Variants in STRA8 observed in about 807,000 individuals in gnomAD.
STRA8 encodes stimulated by retinoic acid 8, also known as stimulated by retinoic acid gene 8 protein homolog.
A neutral mutation model predicts 37.1 loss-of-function variants in STRA8; 18 were observed. That is an observed-to-expected ratio of 0.48 (90% CI 0.34 to 0.72). STRA8 has a LOEUF of 0.72. STRA8 is among the 30% of genes least tolerant of loss of function. The pLI is 0.01. For missense variants in STRA8, 357 were observed against 410.4 expected, an observed-to-expected ratio of 0.87 and a Z score of 1.13; for synonymous variants, 168 against 162.9, an observed-to-expected ratio of 1.03 and a Z score of -0.24.
intron 7 of STRA8, among the ~76,000 whole-genome samples, chr7:135,254,108 C>A (rs1432355521): frequency 6.6e-6 from 1 of 152,226 alleles, no homozygotes; most frequent in East Asian, 1.9e-4. Context: ...GACTCAAGTG[C>A]TTCTCAGCTG....
chr7:135,243,500 A>G, intron 4 of STRA8, 90 bp downstream of exon 4: 1 of 1,182,972 alleles, frequency 8.5e-7, no homozygotes, highest in Non-Finnish European at 1.2e-6. Flanking sequence ...CTTCCTCTCC[A>G]GCCTGCAGGA....
At chr7:135,242,734 T>A in intron 2 of STRA8, 47 bp from the exon 3 acceptor site, 1 of 1,598,002 alleles carries the variant, frequency 6.3e-7, no homozygotes. Context: ...AAAATCAGTC[T>A]CTGCAGTGAG....
In STRA8 at chr7:135,253,533, A is replaced by G. The variant is rs1463402989; in HGVS notation, c.954-1581A>G. ...TTTAGGGGACTCTCTGAGTTCTGCA[A>G]AGGGGGGTTGCTGCTTTTCATGGTG... is the stretch of plus-strand genomic sequence containing the variant. On this transcript the variant is annotated intron_variant, in intron 7 of 8. Coordinates refer to ENST00000662584, the MANE Select transcript of STRA8 (RefSeq NM_001394401.1). 2.6e-5 allele frequency among the ~76,000 whole-genome samples: 4 copies of G among 152,196 alleles called. No homozygotes were observed. In the South Asian group the frequency reaches 6.2e-4, roughly 24 times the overall value.
Position 135,246,335 on chromosome 7 carries a change from T to C in STRA8, c.594-82T>C. On this transcript the variant is annotated intron_variant, in intron 5 of 8. Coordinates refer to ENST00000662584, the MANE Select transcript of STRA8 (RefSeq NM_001394401.1). The surrounding 1 kb of genome is among the most constrained non-coding windows in gnomAD (Gnocchi z 5.4). ...TGGCGCCGTGGCCGGGCCTGCGTGC[T>C]GGGGTCCACACCATGAACCGAATCC... 2 of 1,540,738 alleles carry C rather than the reference T, an allele frequency of 1.3e-6. No homozygotes were observed. Among genetic ancestry groups the C allele is most frequent in the South Asian group, 2.4e-5 (2 of 83,324 alleles).
intron 2 of STRA8, among the ~76,000 whole-genome samples, chr7:135,241,075 C>T (rs1278173388): frequency 6.6e-6 from 1 of 152,124 alleles, no homozygotes; most frequent in Non-Finnish European, 1.5e-5. Flanking sequence ...AAGCCCCCAC[C>T]TCTTAATACT....
At chr7:135,249,808 C>G (rs1832613567) in intron 6 of STRA8, among the ~76,000 whole-genome samples, 1 of 152,222 alleles carries the variant, frequency 6.6e-6, no homozygotes, top group Non-Finnish European at 1.5e-5. Context: ...GAGAAAACAA[C>G]CAGAATCTAA....
Position 135,246,485 on chromosome 7 carries a change from C to T in STRA8, c.662C>T (p.Ala221Val), listed in dbSNP as rs1289768075. The change falls in exon 6 of 9, where the codon GCG becomes GTG. Residue 221 changes from alanine to valine, a missense_variant. Ala to Val is a moderately conservative substitution (Grantham distance 64). Transcript: ENST00000662584. This position sits in a 1 kb window ranked among gnomAD's most constrained non-coding sequence, Gnocchi z 5.4. ...TGSGIITPQEAALPIVSAAIS... is the reference protein window; with the variant it reads ...TGSGIITPQEVALPIVSAAIS... The stretch of plus-strand genomic sequence containing the variant: ...AGCGGGATCATTACCCCGCAGGAGG[C>T]GGCGCTGCCCATCGTCTCCGCGGCC... 3 of 1,585,504 alleles carry T rather than the reference C, an allele frequency of 1.9e-6. No homozygotes were observed. Among genetic ancestry groups the T allele is most frequent in the Non-Finnish European group, 2.6e-6 (3 of 1,165,286 alleles).
intron 1 of STRA8, among the ~76,000 whole-genome samples, chr7:135,234,268 G>A (rs1032474833): frequency 1.3e-5 from 2 of 152,072 alleles, no homozygotes; most frequent in East Asian, 1.9e-4. Flanking sequence ...CACCACGCCC[G>A]GCTAATTGTT....
chr7:135,238,082 T>G (rs116841159), intron 1 of STRA8, among the ~76,000 whole-genome samples: 2,198 of 152,218 alleles, frequency 0.014, 20 homozygotes, highest in Non-Finnish European at 0.023. Flanking sequence ...GGGAAGACAT[T>G]GAAAATCGCT....
upstream of STRA8, among the ~76,000 whole-genome samples, chr7:135,233,335 A>G (rs1434811642): frequency 6.6e-6 from 1 of 151,158 alleles, no homozygotes; most frequent in Non-Finnish European, 1.5e-5. Flanking sequence ...TCTCCCTTTT[A>G]TGCGTTTATT....
chr7:135,253,691 T>G (rs531977229), intron 7 of STRA8, among the ~76,000 whole-genome samples: 1 of 152,342 alleles, frequency 6.6e-6, no homozygotes, highest in Non-Finnish European at 1.5e-5. Context: ...AGGTGTGTTT[T>G]CTGAGAGAAA....
At chr7:135,253,306 C>T (rs4281069) in intron 7 of STRA8, among the ~76,000 whole-genome samples, 51,744 of 151,914 alleles carry the variant, frequency 0.34, 9,492 homozygotes, top group African/African-American at 0.47. Context: ...TATGATCTCC[C>T]GGAGTCCCCC....
At chr7:135,243,649 C>T (rs553502809) in intron 4 of STRA8, among the ~76,000 whole-genome samples, 1 of 152,280 alleles carries the variant, frequency 6.6e-6, no homozygotes, top group South Asian at 2.1e-4. Flanking sequence ...AGAAAATACA[C>T]AAAAGCCAGA....
chr7:135,241,177 C>A (rs1222597405), intron 2 of STRA8, among the ~76,000 whole-genome samples: 1 of 152,188 alleles, frequency 6.6e-6, no homozygotes, highest in Non-Finnish European at 1.5e-5. Flanking sequence ...TTCCACCCTA[C>A]GAACAAGCCC....
intron 2 of STRA8, 106 bp downstream of exon 2, chr7:135,240,822 T>A: frequency 7.9e-7 from 1 of 1,272,146 alleles, no homozygotes; most frequent in Non-Finnish European, 1.1e-6. Flanking sequence ...GAGCTGCCAC[T>A]TCTGCTGGGG....
rs561154740 is a variant in STRA8, at chr7:135,250,560, A to G, written c.880-1236A>G. 2.0e-5 allele frequency among the ~76,000 whole-genome samples: 3 copies of G among 152,278 alleles called. No homozygotes were observed. The South Asian group carries it at 6.2e-4, about 32-fold the overall frequency. ...AGGAAGTCAATTGAAGGAAGACAGA[A>G]AGGGCAGACACCAATCCTCTTGGAA... On this transcript the variant is annotated intron_variant, in intron 6 of 8. Transcript: ENST00000662584.
At chr7:135,233,675 G>T (rs924927798), upstream of STRA8, among the ~76,000 whole-genome samples, 1 of 151,410 alleles carries the variant, frequency 6.6e-6, no homozygotes. Context: ...TGTCGCCTTC[G>T]GACAACTTGT....
chr7:135,253,292 A>C (rs1183161593), intron 7 of STRA8, among the ~76,000 whole-genome samples: 1 of 152,134 alleles, frequency 6.6e-6, no homozygotes, highest in African/African-American at 2.4e-5. Context: ...TTCATGCCCT[A>C]GTCTATGATC....
rs200328961 is a variant in STRA8 at position 135,246,417 on chromosome 7, G to C, written c.594G>C (p.Arg198=). Residue 198 remains arginine, a splice_region_variant and synonymous_variant, in exon 6 of 9, where the codon CGG becomes CGC. Transcript: ENST00000662584. This position sits in a 1 kb window ranked among gnomAD's most constrained non-coding sequence, Gnocchi z 5.4. The part of the protein sequence containing the change: ...TLSPDLMEFE[R]YLNFYKQTMD... Reference sequence around the variant, plus strand: ...CGAGACGGCGCCGCTTCTGTTCCAGGTATCTCAACTTTTACAAACAGACGA... The same window carrying C: ...CGAGACGGCGCCGCTTCTGTTCCAGCTATCTCAACTTTTACAAACAGACGA... The C allele has an allele frequency of 3.7e-6, 6 of 1,600,616 alleles. No homozygotes were observed. The African/African-American group carries it at 8.0e-5, about 21-fold the overall frequency.
Sources: gnomAD v4.1 joint callset for allele counts (sites outside exome capture counted in the v4.1 genomes callset) on GRCh38, gnomAD v4.1.1 for gene constraint, Gnocchi (gnomAD v3.1) non-coding constraint, MANE v1.5 for transcripts, NCBI Gene and HGNC (gene_info 2026-07-23, HGNC 2026-07-21) for gene names.